Variants in MYBPC3 observed in about 807,000 individuals in gnomAD.
MYBPC3 encodes myosin-binding protein C, cardiac-type.
MYBPC3 carries 108 observed loss-of-function variants against 159.3 expected under a neutral mutation model. The ratio of observed to expected loss-of-function variants is 0.68; its 90% CI spans 0.58 to 0.80. The LOEUF (loss-of-function observed/expected upper bound fraction) is 0.80, where lower values mean the gene tolerates loss of function less well. MYBPC3 is among the 30% of genes least tolerant of loss of function. The probability of loss-of-function intolerance (pLI) is 0.00; values close to 1 mark genes in which losing one functional copy is unlikely to be tolerated. For synonymous variants in MYBPC3, 730 were observed against 702.0 expected, an observed-to-expected ratio of 1.04 and a Z score of -0.63; for missense variants, 1,631 against 1,762.1, an observed-to-expected ratio of 0.93 and a Z score of 1.33.
Position 47,333,023 on chromosome 11 carries a change from T to C in MYBPC3, c.3331-50A>G, listed in dbSNP as rs765185314. ...CATCTCTGGGCCAGGCCCTTCCTGA[T>C]GCCGAGAGCCTCTCCTGGGTGCCCT... On this transcript the variant is annotated intron_variant, in intron 30 of 34. Coordinates refer to ENST00000545968, the MANE Select transcript of MYBPC3 (RefSeq NM_000256.3). 11 of 1,572,826 alleles carry C rather than the reference T, an allele frequency of 7.0e-6. No homozygotes were observed. The East Asian group carries it at 2.3e-4, about 33-fold the overall frequency.
At position 47,343,302 on chromosome 11, in the gene MYBPC3, A is replaced by G. The variant is rs770496728; in HGVS notation, c.1224-40T>C. 18 of 1,532,918 alleles carry G rather than the reference A, an allele frequency of 1.2e-5. No individual in the cohort carries two copies. In the East Asian group the frequency reaches 4.1e-4, roughly 35 times the overall value. 95.0% of individuals were successfully genotyped at this position (1,532,918 alleles called of 1,614,324 possible). On this transcript the variant is annotated intron_variant, in intron 13 of 34. Transcript: ENST00000545968. ...GGGCCGTTGAAGTGTTCCCGACGGG[A>G]GGAAGTGAGCCCGAGACAAAAGGAG...
chr11:47,343,946 G>C (rs1201146261), intron 12 of MYBPC3, among the ~76,000 whole-genome samples: 1 of 151,996 alleles, frequency 6.6e-6, no homozygotes, highest in Non-Finnish European at 1.5e-5. Context: ...GTGCCACCAC[G>C]CCCAGCTAAT....
chr11:47,350,091 T>C lies in MYBPC3; in HGVS notation c.428A>G (p.Asn143Ser), dbSNP rs730880705. 6.4e-6 allele frequency: 10 copies of C among 1,557,932 alleles called. No individual in the cohort carries two copies. Among genetic ancestry groups the C allele is most frequent in the Non-Finnish European group, 8.7e-6 (10 of 1,150,584 alleles). ...ATCGGGGGCTCCAGGGGTAGGACCA[T>C]TGAGAGCTGCTGAGCTTGACCCTGT... Reference protein sequence around the residue: ...SPKGSSSAALNGPTPGAPDDP... With the variant: ...SPKGSSSAALSGPTPGAPDDP... The change falls in exon 4 of 35, where the codon AAT (asparagine) becomes AGT (serine). Residue 143 changes from asparagine to serine, a missense_variant. Coordinates refer to ENST00000545968, the MANE Select transcript of MYBPC3 (RefSeq NM_000256.3).
chr11:47,341,063 G>T lies in MYBPC3; in HGVS notation c.1898-31C>A, dbSNP rs771033626. 2.5e-6 allele frequency: 4 copies of T among 1,574,248 alleles called. No individual in the cohort carries two copies. The South Asian group carries it at 4.7e-5, about 18-fold the overall frequency. On this transcript the variant is annotated intron_variant, in intron 19 of 34. Coordinates refer to ENST00000545968, the MANE Select transcript of MYBPC3 (RefSeq NM_000256.3). ...AGAGAAGGAAGAGCAAGTAGCACGGGGGCAAAGGCAGGGCCCAGTGACAGG... is the reference window on the plus strand; with the variant it reads ...AGAGAAGGAAGAGCAAGTAGCACGGTGGCAAAGGCAGGGCCCAGTGACAGG...
intron 18 of MYBPC3, 121 bp downstream of exon 18, chr11:47,341,869 GT>G (rs2142859964): frequency 7.5e-7 from 1 of 1,327,876 alleles, no homozygotes; most frequent in East Asian, 2.5e-5. Flanking sequence ...TCTCTGTCCT[GT>G]CTCTGTGCAT....
chr11:47,348,049 C>A (rs2095896225), intron 6 of MYBPC3, 144 bp from the exon 7 acceptor site: 2 of 811,704 alleles, frequency 2.5e-6, no homozygotes, highest in Non-Finnish European at 4.0e-6. Context: ...AGGATCTCAC[C>A]TTCCCAGCCT....
chr11:47,343,343 G>C (rs2095891051), intron 13 of MYBPC3, 81 bp from the exon 14 acceptor site: 2 of 1,496,576 alleles, frequency 1.3e-6, no homozygotes, highest in Non-Finnish European at 1.8e-6. Context: ...GAGAGGGACC[G>C]GCAGGAGCAA....
At chr11:47,333,149 G>T (rs763489755) in intron 30 of MYBPC3, 45 bp downstream of exon 30, 12 of 1,575,944 alleles carry the variant, frequency 7.6e-6, no homozygotes, top group Non-Finnish European at 9.5e-6. Flanking sequence ...TGGGTCTGCC[G>T]GGCCTAGGCA....
rs2095877970 is a variant in MYBPC3, at chr11:47,332,301, A to T, written c.3628-43T>A. 2 of 1,599,442 alleles carry T rather than the reference A, an allele frequency of 1.3e-6. No homozygotes were observed. Among genetic ancestry groups the T allele is most frequent in the Admixed American group, 3.3e-5 (2 of 59,990 alleles). On this transcript the variant is annotated intron_variant, in intron 32 of 34. Coordinates refer to ENST00000545968, the MANE Select transcript of MYBPC3 (RefSeq NM_000256.3). This position sits in a 1 kb window ranked among gnomAD's most constrained non-coding sequence, Gnocchi z 4.2. ...AGAGGGAGGGAAGCCATCCAGGCTG[A>T]GAGGGGACCTGGCAGGGACCCAGGG...
Position 47,352,674 on chromosome 11 carries a change from A to G in MYBPC3, c.-27T>C, listed in dbSNP as rs1191644006. 3.8e-6 allele frequency: 6 copies of G among 1,581,092 alleles called. No homozygotes were observed. On this transcript the variant is annotated 5_prime_UTR_variant, in exon 1 of 35. Transcript: ENST00000545968. The stretch of plus-strand genomic sequence containing the variant: ...CTGAGAGACGTCACACCAGGCACGA[A>G]GCAGGCACAGGTCACCCAAAGAGGG...
chr11:47,348,389 G>T, intron 6 of MYBPC3, 35 bp downstream of exon 6: 2 of 1,496,860 alleles, frequency 1.3e-6, no homozygotes, highest in Non-Finnish European at 1.8e-6. Flanking sequence ...CCCATGGGGA[G>T]CCCGAGCCCA....
intron 28 of MYBPC3, 68 bp from the exon 29 acceptor site, chr11:47,333,820 G>A: frequency 6.5e-7 from 1 of 1,548,850 alleles, no homozygotes; most frequent in Admixed American, 1.9e-5. Context: ...CCCAGCCTCT[G>A]GTACCTCAGA....
chr11:47,337,940 TTTC>T (rs1332761480), intron 23 of MYBPC3, 146 bp from the exon 24 acceptor site: 14 of 629,626 alleles, frequency 2.2e-5, no homozygotes, highest in Non-Finnish European at 3.2e-5. Flanking sequence ...AATGCATTTC[TTTC>T]TTCTTTTCCT....
At chr11:47,352,295 G>A (rs1234596627) in intron 1 of MYBPC3, among the ~76,000 whole-genome samples, 1 of 152,198 alleles carries the variant, frequency 6.6e-6, no homozygotes, top group East Asian at 1.9e-4. Flanking sequence ...CTCTGTCCGC[G>A]GGGAACCTTG....
chr11:47,332,014 G>A lies in MYBPC3; in HGVS notation c.3814+58C>T. ...CGAGGACAACGGAGCAAAGCCCAGG[G>A]TCCCCACTGCCGCCCGCTCTTCCCA... On this transcript the variant is annotated intron_variant, in intron 33 of 34. Transcript: ENST00000545968. The surrounding 1 kb of genome is among the most constrained non-coding windows in gnomAD (Gnocchi z 4.2). 1 of 1,598,248 alleles carries A rather than the reference G, an allele frequency of 6.3e-7. No homozygotes were observed.
chr11:47,341,799 T>A (rs772177338), intron 18 of MYBPC3, among the ~76,000 whole-genome samples, 192 bp downstream of exon 18: 1 of 152,180 alleles, frequency 6.6e-6, no homozygotes, highest in Non-Finnish European at 1.5e-5. Context: ...TTTCTGTCTT[T>A]CTGTCTCTTT....
At chr11:47,343,655 C>G in intron 12 of MYBPC3, 31 bp from the exon 13 acceptor site, 1 of 1,567,026 alleles carries the variant, frequency 6.4e-7, no homozygotes, top group East Asian at 2.3e-5. Context: ...CCGGCCACCC[C>G]ACCGCCCGCA....
rs750425291 is a variant in MYBPC3 at position 47,347,489 on chromosome 11, G to C, written c.852-10C>G. 8 of 1,595,078 alleles carry C rather than the reference G, an allele frequency of 5.0e-6. No homozygotes were observed. The East Asian group carries it at 1.6e-4, about 32-fold the overall frequency. On this transcript the variant is annotated splice_polypyrimidine_tract_variant and intron_variant, in intron 8 of 34. Coordinates refer to ENST00000545968, the MANE Select transcript of MYBPC3 (RefSeq NM_000256.3). ...GTCCTCATGGCTATCACTATGGAGA[G>C]GGACCCCCAGTGAGGCTGCAGTGAG...
At chr11:47,352,040 C>A (rs763058736) in intron 1 of MYBPC3, among the ~76,000 whole-genome samples, 2 of 152,076 alleles carry the variant, frequency 1.3e-5, no homozygotes, top group Non-Finnish European at 2.9e-5. Flanking sequence ...TGTGATTTTC[C>A]CTGCCCTTGG....
Sources: gnomAD v4.1 joint callset for allele counts (sites outside exome capture counted in the v4.1 genomes callset) on GRCh38, gnomAD v4.1.1 for gene constraint, Gnocchi (gnomAD v3.1) non-coding constraint, MANE v1.5 for transcripts, NCBI Gene and HGNC (gene_info 2026-07-23, HGNC 2026-07-21) for gene names.